The following SPEN variants were observed in gnomAD, a reference collection of about 807,000 sequenced individuals.
SPEN encodes spen family transcriptional repressor, also known as msx2-interacting protein.
In SPEN, 18 loss-of-function variants were observed where a neutral mutation model predicts 269.9. The observed-to-expected ratio is 0.07, with a 90% CI of 0.05 to 0.10. The LOEUF is 0.10. Ranked by LOEUF, SPEN falls within the 10% of genes least tolerant of loss-of-function variation. SPEN has a pLI of 1.00. For synonymous variants in SPEN, 1,726 were observed against 1,765.7 expected (o/e 0.98, Z 0.56); for missense variants, 3,822 against 4,631.2 (o/e 0.83, Z 5.07).
rs1291642373 is a variant in SPEN at position 15,854,158 on chromosome 1, C to G, written c.83+6008C>G. On this transcript the variant is annotated intron_variant, in intron 1 of 14. Coordinates refer to ENST00000375759, the MANE Select transcript of SPEN (RefSeq NM_015001.3). The stretch of plus-strand genomic sequence containing the variant: ...TTAGTTTGAGCTGTAGTTAACCATC[C>G]ACAGTATTTAGAGTAAATAATGTAG... Among the ~76,000 whole-genome samples, 3 of 151,968 alleles carry G rather than the reference C, an allele frequency of 2.0e-5. No individual in the cohort carries two copies. The East Asian group carries it at 5.8e-4, about 29-fold the overall frequency.
chr1:15,924,978 TC>T (rs2071152683), intron 10 of SPEN, among the ~76,000 whole-genome samples: 1 of 152,182 alleles, frequency 6.6e-6, no homozygotes, highest in Non-Finnish European at 1.5e-5. Flanking sequence ...CTTTGCCTCT[TC>T]CATAGAATGG....
At chr1:15,861,591 G>T (rs569815326) in intron 1 of SPEN, among the ~76,000 whole-genome samples, 2 of 152,130 alleles carry the variant, frequency 1.3e-5, no homozygotes, top group Non-Finnish European at 2.9e-5. Context: ...GTAAATAACA[G>T]TATTAGTAAG....
At position 15,911,292 on chromosome 1, in the gene SPEN, A is replaced by G. The variant is rs754406402; in HGVS notation, c.1234A>G (p.Ile412Val). Reference sequence around the variant, plus strand: ...CATGCAGATTGAAGTAACAGCATGGATAGGTCCAGGTAAGACACAAGCAAG... The same window carrying G: ...CATGCAGATTGAAGTAACAGCATGGGTAGGTCCAGGTAAGACACAAGCAAG... ...FGMQIEVTAW[I>V]GPETESENEF... Residue 412 changes from isoleucine (I) to valine (V), a missense_variant, in exon 5 of 15, where the codon ATA becomes GTA. By Grantham distance (29) the Ile-to-Val change is conservative. Transcript: ENST00000375759. The G allele has an allele frequency of 7.4e-6, 12 of 1,613,888 alleles. No homozygotes were observed. The highest frequency in any genetic ancestry group is 8.5e-6 in the Non-Finnish European group (10 of 1,179,874).
chr1:15,858,021 G>A (rs571440909), intron 1 of SPEN, among the ~76,000 whole-genome samples: 1 of 152,128 alleles, frequency 6.6e-6, no homozygotes. Flanking sequence ...CCAGCTACTT[G>A]GGAAGCTGAA....
Position 15,848,596 on chromosome 1 carries a change from C to T in SPEN, c.83+446C>T, listed in dbSNP as rs2070301113. ...CACTCCAAGCTGCTCTGCGGGCGCT[C>T]GGCAATGTCTGACTTCGGGAGGGTT... is the stretch of plus-strand genomic sequence containing the variant. On this transcript the variant is annotated intron_variant, in intron 1 of 14. Coordinates refer to ENST00000375759, the MANE Select transcript of SPEN (RefSeq NM_015001.3). This position sits in a 1 kb window ranked among gnomAD's most constrained non-coding sequence, Gnocchi z 5.1. Among the ~76,000 whole-genome samples the T allele has an allele frequency of 6.9e-6, 1 of 145,542 alleles. No individual in the cohort carries two copies. Among genetic ancestry groups the T allele is most frequent in the Admixed American group, 7.0e-5 (1 of 14,378 alleles).
intron 3 of SPEN, among the ~76,000 whole-genome samples, chr1:15,880,168 T>A (rs2070673290): frequency 6.6e-6 from 1 of 152,168 alleles, no homozygotes; most frequent in African/African-American, 2.4e-5. Flanking sequence ...CTTCTTACCG[T>A]GGGCTTGGGG....
At chr1:15,917,025 G>A (rs1421817810) in intron 6 of SPEN, among the ~76,000 whole-genome samples, 5 of 152,152 alleles carry the variant, frequency 3.3e-5, no homozygotes, top group Non-Finnish European at 2.9e-5. Flanking sequence ...CTACTCAGGC[G>A]GCTGAGGCTG....
rs552895362 is a variant in SPEN at position 15,872,587 on chromosome 1, G to A, written c.84-229G>A. Among the ~76,000 whole-genome samples, 937 of 142,524 alleles carry A rather than the reference G, an allele frequency of 6.6e-3. 7 individuals are homozygous for A. Among genetic ancestry groups the A allele is most frequent in the Middle Eastern group, 0.022 (6 of 272 alleles). The allele number at this position is 142,524 out of a possible 152,430, so 93.5% of individuals were successfully genotyped here. A position where few individuals can be genotyped will look rare whatever the true frequency, so the allele number is the denominator to read the frequency against. ...TGCACTCCAGCCTGGGCAACAGAGC[G>A]AGACTCCATCTCAAAAAAAAAAAAA... On this transcript the variant is annotated intron_variant, in intron 1 of 14. Transcript: ENST00000375759.
chr1:15,933,053 C>G lies in SPEN; in HGVS notation c.6813C>G (p.Gly2271=), dbSNP rs200982967. Reference sequence around the variant, plus strand: ...TGGAGACAGATGAGGCTGTATCTGGCATCCTGGAAACTGAGGCTGCTACAG... The same window carrying G: ...TGGAGACAGATGAGGCTGTATCTGGGATCCTGGAAACTGAGGCTGCTACAG... ...EGMETDEAVS[G]ILETEAATES... The change falls in exon 11 of 15, where the codon GGC becomes GGG. Residue 2271 remains glycine, a synonymous_variant. Transcript: ENST00000375759. The surrounding 1 kb of genome is among the most constrained non-coding windows in gnomAD (Gnocchi z 5.7). 6 of 1,614,092 alleles carry G rather than the reference C, an allele frequency of 3.7e-6. No homozygotes were observed. Among genetic ancestry groups the G allele is most frequent in the Non-Finnish European group, 5.1e-6 (6 of 1,179,938 alleles).
chr1:15,918,130 G>A (rs1251270558), intron 6 of SPEN, among the ~76,000 whole-genome samples: 1 of 152,214 alleles, frequency 6.6e-6, no homozygotes, highest in Non-Finnish European at 1.5e-5. Context: ...TTTGTCTTTA[G>A]ACAGTTATCT....
At chr1:15,907,257 G>A (rs187113254) in intron 3 of SPEN, among the ~76,000 whole-genome samples, 2 of 152,064 alleles carry the variant, frequency 1.3e-5, no homozygotes, top group Admixed American at 1.3e-4. Flanking sequence ...TGAGGTGGGC[G>A]GATCACTTGA....
intron 1 of SPEN, among the ~76,000 whole-genome samples, chr1:15,861,417 A>G (rs755060887): frequency 7.2e-5 from 11 of 152,162 alleles, no homozygotes; most frequent in Non-Finnish European, 1.2e-4. Flanking sequence ...GGTGTGAGCC[A>G]GCGTGCCTGG....
intron 3 of SPEN, among the ~76,000 whole-genome samples, chr1:15,904,452 C>CAAAAAAAAAAAAAAAAAAAAAA (rs1215369183): frequency 1.1e-3 from 55 of 48,622 alleles, no homozygotes; most frequent in Non-Finnish European, 1.6e-3. Flanking sequence ...AACTCCATCT[C>CAAAAAAAAAAAAAAAAAAAAAA]AAAAAAAAAA....
intron 3 of SPEN, among the ~76,000 whole-genome samples, chr1:15,885,018 A>G (rs1028761857): frequency 1.3e-5 from 2 of 152,220 alleles, no homozygotes; most frequent in Admixed American, 1.3e-4. Context: ...GGCATGAGCC[A>G]CTGAGCCTGG....
chr1:15,906,748 G>A (rs1342655441), intron 3 of SPEN, among the ~76,000 whole-genome samples: 1 of 148,084 alleles, frequency 6.8e-6, no homozygotes, highest in Non-Finnish European at 1.5e-5. Context: ...ACGGTCGTGA[G>A]CCACTGCACT....
Position 15,937,166 on chromosome 1 carries a change from C to G in SPEN, c.10030C>G (p.Pro3344Ala). Residue 3344 changes from proline (P) to alanine (A), a missense_variant, in exon 12 of 15, where the codon CCT (proline) becomes GCT (alanine). Around this residue, in one of 16 missense-constraint regions of SPEN, gnomAD observed 359 missense variants for 377.3 expected, o/e 0.95. Coordinates refer to ENST00000375759, the MANE Select transcript of SPEN (RefSeq NM_015001.3). This position sits in a 1 kb window ranked among gnomAD's most constrained non-coding sequence, Gnocchi z 5.7. Reference sequence around the variant, plus strand: ...TTGCCTTCCTTCCCTACACCAGGGCCCTCCTCCTGAAGGTGAGCCCCTGCA... The same window carrying G: ...TTGCCTTCCTTCCCTACACCAGGGCGCTCCTCCTGAAGGTGAGCCCCTGCA... The part of the protein sequence containing the change: ...PSRTKTAAQG[P>A]PPEGEPLQPP... 6.2e-7 allele frequency: 1 copy of G among 1,609,980 alleles called. No homozygotes were observed. The highest frequency in any genetic ancestry group is 1.7e-5 in the Admixed American group (1 of 59,902).
In SPEN at chr1:15,937,658, A is replaced by C. The variant is rs776297343; in HGVS notation, c.10509+13A>C. The C allele has an allele frequency of 6.2e-6, 10 of 1,609,886 alleles. No individual in the cohort carries two copies. The South Asian group carries it at 9.9e-5, about 16-fold the overall frequency. ...TCAACTTCTGAAGGTAAGCATGAGC[A>C]GGGGCTGCCCTTCCTGGCCCCCAAG... On this transcript the variant is annotated intron_variant, in intron 12 of 14. Transcript: ENST00000375759. This position sits in a 1 kb window ranked among gnomAD's most constrained non-coding sequence, Gnocchi z 5.7.
At chr1:15,901,703 C>G (rs76876217) in intron 3 of SPEN, among the ~76,000 whole-genome samples, 5,228 of 149,196 alleles carry the variant, frequency 0.035, 297 homozygotes, top group African/African-American at 0.12. Context: ...CAGATTACAT[C>G]AGAAGTGGTG....
intron 3 of SPEN, among the ~76,000 whole-genome samples, chr1:15,889,710 C>CT (rs564842772): frequency 9.1e-4 from 136 of 149,750 alleles, no homozygotes; most frequent in South Asian, 8.2e-3. Flanking sequence ...TATAGAACAC[C>CT]TTTTTTTTTT....
Sources: gnomAD v4.1 joint callset for allele counts (sites outside exome capture counted in the v4.1 genomes callset) on GRCh38, gnomAD v4.1.1 for gene constraint, gnomAD v4.1.1 regional missense constraint, Gnocchi (gnomAD v3.1) non-coding constraint, MANE v1.5 for transcripts, NCBI Gene and HGNC (gene_info 2026-07-23, HGNC 2026-07-21) for gene names.